The following FNBP1 variants were observed in gnomAD, a reference collection of about 807,000 sequenced individuals.
FNBP1 encodes formin binding protein 1, also known as formin-binding protein 1.
In FNBP1, 26 loss-of-function variants were observed where a neutral mutation model predicts 90.6. The observed-to-expected ratio is 0.29, with a 90% CI of 0.21 to 0.40. FNBP1 has a LOEUF of 0.40. Among genes scored for constraint, FNBP1 ranks in the 10% least tolerant of loss-of-function variants. The pLI is 1.00. For missense variants in FNBP1, 635 were observed against 768.0 expected (o/e 0.83, Z 2.05); for synonymous variants, 260 against 265.2 (o/e 0.98, Z 0.19).
At chr9:129,986,567 G>A (rs905534) in intron 2 of FNBP1, among the ~76,000 whole-genome samples, 129,517 of 151,948 alleles carry the variant, frequency 0.85, 55,511 homozygotes, top group East Asian at 0.89. Context: ...CGAGGTGGGC[G>A]GATCACAAGG....
the FNBP1 span, among the ~76,000 whole-genome samples, chr9:130,049,531 T>C: frequency 6.6e-6 from 1 of 151,978 alleles, no homozygotes; most frequent in African/African-American, 2.4e-5. Flanking sequence ...CTGGGCAACA[T>C]GGCGAAACCG....
At chr9:130,013,582 A>G (rs2056886226) in intron 1 of FNBP1, 1 of 397,072 alleles carries the variant, frequency 2.5e-6, no homozygotes, top group Non-Finnish European at 4.9e-6. Context: ...CTAGGTATAT[A>G]TCTTAAGGTT....
intron 4 of FNBP1, among the ~76,000 whole-genome samples, chr9:129,974,528 T>C (rs2050004721): frequency 6.6e-6 from 1 of 152,214 alleles, no homozygotes; most frequent in Non-Finnish European, 1.5e-5. Flanking sequence ...TAATTCATCA[T>C]TTACTCATTC....
intron 10 of FNBP1, among the ~76,000 whole-genome samples, chr9:129,921,857 T>A (rs2041167719): frequency 1.3e-5 from 2 of 152,162 alleles, no homozygotes; most frequent in African/African-American, 2.4e-5. Flanking sequence ...GTTTAGAATC[T>A]TTTCCCAGGC....
At chr9:129,986,517 C>T (rs919159039) in intron 2 of FNBP1, among the ~76,000 whole-genome samples, 4 of 152,036 alleles carry the variant, frequency 2.6e-5, no homozygotes, top group African/African-American at 4.8e-5. Context: ...ATAGGCCGGG[C>T]GTGGTGGCTC....
In FNBP1 at chr9:129,957,322, G is replaced by T; in HGVS notation, c.513+38C>A. 1 of 1,450,840 alleles carries T rather than the reference G, an allele frequency of 6.9e-7. No homozygotes were observed. Among genetic ancestry groups the T allele is most frequent in the Non-Finnish European group, 9.7e-7 (1 of 1,034,984 alleles). 89.9% of individuals were successfully genotyped at this position (1,450,840 alleles called of 1,614,324 possible). A position where few individuals can be genotyped will look rare whatever the true frequency, so the allele number is the denominator to read the frequency against. On this transcript the variant is annotated intron_variant, in intron 6 of 16. Coordinates refer to ENST00000446176, the MANE Select transcript of FNBP1 (RefSeq NM_015033.3). The surrounding 1 kb of genome is among the most constrained non-coding windows in gnomAD (Gnocchi z 4.3). ...CAAAGTGCTGGGATTACAGGCGTGA[G>T]CCACCGTGCCCGGCCCACACTTGAG... is the stretch of plus-strand genomic sequence containing the variant.
At chr9:129,896,700 G>A (rs1030470082) in intron 15 of FNBP1, among the ~76,000 whole-genome samples, 1 of 151,740 alleles carries the variant, frequency 6.6e-6, no homozygotes, top group Non-Finnish European at 1.5e-5. Flanking sequence ...TGTTGCCCAG[G>A]CTGGAGTGTG....
chr9:129,901,304 A>T (rs1386340799), intron 13 of FNBP1, among the ~76,000 whole-genome samples: 1 of 149,786 alleles, frequency 6.7e-6, no homozygotes, highest in Non-Finnish European at 1.5e-5. Context: ...ACTTTGGGAG[A>T]GGTGGGCAGA....
At position 129,957,055 on chromosome 9, in the gene FNBP1, T is replaced by TTG. The variant is rs369755107; in HGVS notation, c.513+304_513+305insCA. Among the ~76,000 whole-genome samples the TTG allele has an allele frequency of 6.6e-6, 1 of 151,166 alleles. No homozygotes were observed. Among genetic ancestry groups the TTG allele is most frequent in the Non-Finnish European group, 1.5e-5 (1 of 67,746 alleles). On this transcript the variant is annotated intron_variant, in intron 6 of 16. Coordinates refer to ENST00000446176, the MANE Select transcript of FNBP1 (RefSeq NM_015033.3). This position sits in a 1 kb window ranked among gnomAD's most constrained non-coding sequence, Gnocchi z 4.3. Reference sequence around the variant, plus strand: ...GCTTTCTTTTGTCTTTTTTTTTTTTTGGCGATAGTTTCGCTCTTGTTACCC... The same window carrying TTG: ...GCTTTCTTTTGTCTTTTTTTTTTTTTTGGGCGATAGTTTCGCTCTTGTTACCC...
intron 1 of FNBP1, among the ~76,000 whole-genome samples, chr9:130,017,992 C>A (rs2057428968): frequency 7.0e-6 from 1 of 143,568 alleles, no homozygotes; most frequent in African/African-American, 2.6e-5. Context: ...CGGCTCACTG[C>A]AAGCTCTGCC....
chr9:130,030,553 C>T (rs1220641807), intron 1 of FNBP1, among the ~76,000 whole-genome samples: 1 of 152,108 alleles, frequency 6.6e-6, no homozygotes, highest in African/African-American at 2.4e-5. Flanking sequence ...TCTATTCTAA[C>T]TGTAACGTAG....
intron 9 of FNBP1, among the ~76,000 whole-genome samples, chr9:129,924,285 T>C (rs763109818): frequency 1.3e-5 from 2 of 152,196 alleles, no homozygotes; most frequent in Non-Finnish European, 2.9e-5. Flanking sequence ...CCATGCAAAC[T>C]ATAGCTCTAG....
At chr9:129,897,320 T>G (rs2035952293) in intron 15 of FNBP1, among the ~76,000 whole-genome samples, 1 of 152,184 alleles carries the variant, frequency 6.6e-6, no homozygotes, top group African/African-American at 2.4e-5. Flanking sequence ...CCCAGTTTTC[T>G]GCAAGGCAAA....
chr9:129,941,319 G>A (rs1345076531), intron 6 of FNBP1, among the ~76,000 whole-genome samples: 1 of 152,092 alleles, frequency 6.6e-6, no homozygotes, highest in African/African-American at 2.4e-5. Context: ...AACATGGGAG[G>A]TGGAGGCTGC....
intron 4 of FNBP1, among the ~76,000 whole-genome samples, chr9:129,961,261 G>T (rs1028953508): frequency 6.6e-6 from 1 of 151,886 alleles, no homozygotes; most frequent in Admixed American, 6.6e-5. Flanking sequence ...GCGGTGAGCC[G>T]AGATAGTACC....
At chr9:129,951,233 A>G (rs2046120403) in intron 6 of FNBP1, among the ~76,000 whole-genome samples, 1 of 151,898 alleles carries the variant, frequency 6.6e-6, no homozygotes, top group African/African-American at 2.4e-5. Context: ...CTGGCATCAC[A>G]TGCGTGAGCC....
At chr9:129,936,817 C>T (rs1286707382) in intron 6 of FNBP1, among the ~76,000 whole-genome samples, 3 of 151,982 alleles carry the variant, frequency 2.0e-5, no homozygotes, top group African/African-American at 7.3e-5. Context: ...AAAATAGCAA[C>T]CTGTTGGAAA....
intron 2 of FNBP1, among the ~76,000 whole-genome samples, chr9:129,990,425 A>T (rs2052945880): frequency 6.6e-6 from 1 of 152,136 alleles, no homozygotes; most frequent in Non-Finnish European, 1.5e-5. Flanking sequence ...CACATAGGTG[A>T]TATCTACATG....
chr9:130,011,885 C>A lies in FNBP1; in HGVS notation c.25-16927G>T, dbSNP rs890537343. On this transcript the variant is annotated intron_variant, in intron 1 of 16. Transcript: ENST00000446176. ...CAATGCAGTTCAATTAAAACCCCAA[C>A]AAGTTTTCTGGAGAACAAAATTCTA... Among the ~76,000 whole-genome samples the A allele has an allele frequency of 4.1e-4, 62 of 152,272 alleles. 1 individual carries two copies. The highest frequency in any genetic ancestry group is 3.9e-3 in the Admixed American group (60 of 15,288).
Sources: allele counts gnomAD v4.1 joint callset (sites outside exome capture counted in the v4.1 genomes callset), GRCh38; gene constraint gnomAD v4.1.1; non-coding constraint Gnocchi (gnomAD v3.1); transcripts MANE v1.5; gene names NCBI Gene and HGNC (gene_info 2026-07-23, HGNC 2026-07-21).